PTPRK: variants seen among roughly 807,000 people sequenced by gnomAD.
PTPRK encodes protein tyrosine phosphatase receptor type K.
PTPRK carries 75 observed loss-of-function variants against 178.0 expected under a neutral mutation model. The observed-to-expected ratio is 0.42, with a 90% CI of 0.35 to 0.51. The LOEUF (loss-of-function observed/expected upper bound fraction) is 0.51, where lower values mean the gene tolerates loss of function less well. Ranked by LOEUF, PTPRK falls within the 20% of genes least tolerant of loss-of-function variation. PTPRK has a pLI of 0.02. For synonymous variants in PTPRK, 637 were observed against 620.6 expected (o/e 1.03, Z -0.39); for missense variants, 1,441 against 1,797.8 (o/e 0.80, Z 3.59).
chr6:127,983,264 C>G lies in PTPRK; in HGVS notation c.3365G>C (p.Arg1122Pro). ...TACCTCTGTCTGGACCATATTAATA[C>G]GCCGAGATCTTAAGGCTTTGACACA... Reference protein sequence around the residue: ...YNCVKALRSRRINMVQTEEQY... With the variant: ...YNCVKALRSRPINMVQTEEQY... Residue 1122 changes from arginine to proline, a missense_variant, in exon 23 of 30, where the codon CGT becomes CCT. Around this residue, in one of 4 missense-constraint regions of PTPRK, gnomAD observed 335 missense variants for 512.4 expected, o/e 0.65. Transcript: ENST00000368226. The G allele has an allele frequency of 6.2e-7, 1 of 1,612,288 alleles. No individual in the cohort carries two copies. The highest frequency in any genetic ancestry group is 8.5e-7 in the Non-Finnish European group (1 of 1,178,978).
chr6:128,511,345 C>A (rs1478542448), intron 1 of PTPRK, among the ~76,000 whole-genome samples: 1 of 152,198 alleles, frequency 6.6e-6, no homozygotes, highest in Non-Finnish European at 1.5e-5. Flanking sequence ...AAACCCTGGG[C>A]CAAGCCAATC....
intron 7 of PTPRK, among the ~76,000 whole-genome samples, chr6:128,129,035 T>G (rs937553423): frequency 6.6e-6 from 1 of 152,226 alleles, no homozygotes; most frequent in Admixed American, 6.5e-5. Context: ...ATATTTCCAC[T>G]AATTGCACAT....
chr6:127,978,235 G>A (rs1774841023), intron 25 of PTPRK, among the ~76,000 whole-genome samples: 1 of 152,226 alleles, frequency 6.6e-6, no homozygotes, highest in Admixed American at 6.5e-5. Flanking sequence ...CATATTGTTT[G>A]GCTCTGTGTC....
intron 1 of PTPRK, among the ~76,000 whole-genome samples, chr6:128,484,850 C>T (rs1852586919): frequency 6.6e-6 from 1 of 152,092 alleles, no homozygotes; most frequent in African/African-American, 2.4e-5. Context: ...TCAATAGTTT[C>T]CTTTCCTTTC....
intron 6 of PTPRK, among the ~76,000 whole-genome samples, chr6:128,206,108 C>T (rs1213604099): frequency 6.6e-6 from 1 of 151,860 alleles, no homozygotes; most frequent in Non-Finnish European, 1.5e-5. Flanking sequence ...AAAGAGTATG[C>T]ATCTTAGTCA....
chr6:128,378,264 A>T (rs187742852), intron 2 of PTPRK, among the ~76,000 whole-genome samples: 9 of 152,148 alleles, frequency 5.9e-5, no homozygotes, highest in Non-Finnish European at 1.3e-4. Context: ...TCCCAAAGAT[A>T]ACAATTATAA....
chr6:127,980,533 C>T (rs146229135), intron 25 of PTPRK, among the ~76,000 whole-genome samples: 1,958 of 151,656 alleles, frequency 0.013, 50 homozygotes, highest in African/African-American at 0.044. Flanking sequence ...ACTTTCTTTC[C>T]ATATTGTTCT....
At position 127,977,065 on chromosome 6, in the gene PTPRK, A is replaced by G. The variant is rs1466554514; in HGVS notation, c.3712-11T>C. ...TGGTTGCCTGTAGCTCTGTGAAGAA[A>G]CAAGGTAGATGGAGAAATATAAAAA... On this transcript the variant is annotated splice_polypyrimidine_tract_variant and intron_variant, in intron 25 of 29. Coordinates refer to ENST00000368226, the MANE Select transcript of PTPRK (RefSeq NM_002844.4). 2.5e-6 allele frequency: 4 copies of G among 1,612,842 alleles called. No homozygotes were observed. Among genetic ancestry groups the G allele is most frequent in the Non-Finnish European group, 3.4e-6 (4 of 1,179,024 alleles).
chr6:128,039,361 T>G (rs529354518), intron 13 of PTPRK, among the ~76,000 whole-genome samples: 10 of 152,268 alleles, frequency 6.6e-5, no homozygotes, highest in African/African-American at 2.4e-4. Flanking sequence ...TTTTCTATAC[T>G]CAGGTAGACG....
chr6:128,348,702 G>T (rs1015620176), intron 2 of PTPRK, among the ~76,000 whole-genome samples: 1 of 151,954 alleles, frequency 6.6e-6, no homozygotes, highest in Non-Finnish European at 1.5e-5. Context: ...GAATTGAAGA[G>T]AATTACTTTT....
chr6:128,433,830 T>TG (rs1554262491), intron 1 of PTPRK, among the ~76,000 whole-genome samples: 2 of 143,500 alleles, frequency 1.4e-5, no homozygotes, highest in African/African-American at 6.0e-5. Context: ...AACACTGTTT[T>TG]TTTTTTTTTT....
rs553051509 is a variant in PTPRK, at chr6:128,280,537, T to C, written c.496-37935A>G. 5.9e-5 allele frequency among the ~76,000 whole-genome samples: 9 copies of C among 152,308 alleles called. No individual in the cohort carries two copies. In the South Asian group the frequency reaches 1.7e-3, roughly 28 times the overall value. Reference sequence around the variant, plus strand: ...ACTTAACAATACAGCCCATTGGCCATACTTTCTGTGTTCAAAAGGCACCTT... The same window carrying C: ...ACTTAACAATACAGCCCATTGGCCACACTTTCTGTGTTCAAAAGGCACCTT... On this transcript the variant is annotated intron_variant, in intron 3 of 29. Transcript: ENST00000368226.
intron 1 of PTPRK, among the ~76,000 whole-genome samples, chr6:128,443,959 TCTC>T (rs1260367149): frequency 2.6e-5 from 4 of 152,040 alleles, no homozygotes; most frequent in Non-Finnish European, 5.9e-5. Flanking sequence ...TTCAAGCAAT[TCTC>T]CTGCCTCAGA....
chr6:127,987,014 A>G (rs1776055854), intron 21 of PTPRK, among the ~76,000 whole-genome samples: 1 of 152,040 alleles, frequency 6.6e-6, no homozygotes, highest in African/African-American at 2.4e-5. Flanking sequence ...CTACTTTTCA[A>G]CTCTAGTGAG....
chr6:128,260,091 T>C lies in PTPRK; in HGVS notation c.496-17489A>G, dbSNP rs535228176. On this transcript the variant is annotated intron_variant, in intron 3 of 29. Coordinates refer to ENST00000368226, the MANE Select transcript of PTPRK (RefSeq NM_002844.4). ...ATATTTATAAGTATTTATCAAAATA[T>C]AATTGCATAATTTAGAAAATCTTTT... is the stretch of plus-strand genomic sequence containing the variant. Among the ~76,000 whole-genome samples the C allele has an allele frequency of 6.6e-5, 10 of 152,318 alleles. 1 individual carries two copies. Among genetic ancestry groups the C allele is most frequent in the Middle Eastern group, 3.4e-3 (1 of 294 alleles).
At chr6:128,458,601 GCACA>G (rs1387190735) in intron 1 of PTPRK, among the ~76,000 whole-genome samples, 1 of 152,076 alleles carries the variant, frequency 6.6e-6, no homozygotes. Context: ...GCACACACTT[GCACA>G]CACACACAAA....
chr6:128,479,834 A>G (rs1329968551), intron 1 of PTPRK, among the ~76,000 whole-genome samples: 1 of 152,176 alleles, frequency 6.6e-6, no homozygotes, highest in African/African-American at 2.4e-5. Context: ...TTTGGTTAAA[A>G]TAAGCACTCT....
At chr6:128,449,243 C>T (rs1038898977) in intron 1 of PTPRK, among the ~76,000 whole-genome samples, 8 of 152,138 alleles carry the variant, frequency 5.3e-5, no homozygotes, top group Admixed American at 2.0e-4. Context: ...CTGGAAAGGG[C>T]TTCACAAATC....
chr6:128,070,943 C>G (rs558942194), intron 11 of PTPRK, among the ~76,000 whole-genome samples: 25 of 151,814 alleles, frequency 1.6e-4, no homozygotes, highest in African/African-American at 5.8e-4. Context: ...ATCTAAGATA[C>G]TCTTTTTCTT....
Sources: allele counts gnomAD v4.1 joint callset (sites outside exome capture counted in the v4.1 genomes callset), GRCh38; gene constraint gnomAD v4.1.1; regional missense constraint gnomAD v4.1.1; transcripts MANE v1.5; gene names NCBI Gene and HGNC (gene_info 2026-07-23, HGNC 2026-07-21).